The following WDPCP variants were observed in gnomAD, a reference collection of about 807,000 sequenced individuals.
WDPCP encodes WD repeat containing planar cell polarity effector.
A neutral mutation model predicts 93.1 loss-of-function variants in WDPCP; 71 were observed. The ratio of observed to expected loss-of-function variants is 0.76; its 90% CI spans 0.63 to 0.93. The LOEUF (loss-of-function observed/expected upper bound fraction) is 0.93, where lower values mean the gene tolerates loss of function less well. Among genes scored for constraint, WDPCP ranks in the 40% least tolerant of loss-of-function variants. The probability of loss-of-function intolerance (pLI) is 0.00; values close to 1 mark genes in which losing one functional copy is unlikely to be tolerated. For missense variants in WDPCP, 844 were observed against 887.4 expected, an observed-to-expected ratio of 0.95 and a Z score of 0.62; for synonymous variants, 315 against 315.0, an observed-to-expected ratio of 1.00 and a Z score of 0.00.
chr2:63,707,034 AC>A (rs200823583), intron 2 of WDPCP, among the ~76,000 whole-genome samples: 1,870 of 152,204 alleles, frequency 0.012, 16 homozygotes, highest in Non-Finnish European at 0.015. Flanking sequence ...GGGTAACCCG[AC>A]CTTTCTTTCT....
chr2:63,511,547 G>A (rs1451623472), intron 1 of WDPCP, among the ~76,000 whole-genome samples: 1 of 152,174 alleles, frequency 6.6e-6, no homozygotes, highest in Non-Finnish European at 1.5e-5. Flanking sequence ...TACCAAAGCA[G>A]ATATATAGAC....
chr2:63,257,343 G>GA (rs1681235352), intron 14 of WDPCP, among the ~76,000 whole-genome samples: 1 of 152,096 alleles, frequency 6.6e-6, no homozygotes, highest in African/African-American at 2.4e-5. Context: ...GAATTTGAAA[G>GA]AAAATTAGCT....
intron 11 of WDPCP, among the ~76,000 whole-genome samples, chr2:63,379,237 C>T (rs1692105240): frequency 6.6e-6 from 1 of 152,024 alleles, no homozygotes; most frequent in African/African-American, 2.4e-5. Flanking sequence ...TAAGTAATTA[C>T]CATAATGGTG....
intron 3 of WDPCP, among the ~76,000 whole-genome samples, chr2:63,647,066 C>T (rs2106634593): frequency 6.6e-6 from 1 of 152,250 alleles, no homozygotes; most frequent in Non-Finnish European, 1.5e-5. Flanking sequence ...AGACTATTTT[C>T]TATATCCTGT....
intron 14 of WDPCP, among the ~76,000 whole-genome samples, chr2:63,250,499 A>G (rs1380468058): frequency 1.3e-5 from 2 of 152,184 alleles, no homozygotes; most frequent in Admixed American, 6.5e-5. Context: ...CTTTACCTCA[A>G]TTGAATGATT....
At chr2:63,367,740 TTCCAAAGAAC>T (rs1691029050) in intron 12 of WDPCP, among the ~76,000 whole-genome samples, 1 of 152,200 alleles carries the variant, frequency 6.6e-6, no homozygotes, top group Admixed American at 6.5e-5. Flanking sequence ...AACATAAGTG[TTCCAAAGAAC>T]TATAGTGGCT....
chr2:63,394,376 T>TA (rs145280348), intron 10 of WDPCP, among the ~76,000 whole-genome samples: 66 of 148,614 alleles, frequency 4.4e-4, no homozygotes, highest in South Asian at 8.6e-4. Context: ...ATTAATAAGC[T>TA]AAAAAAAAAA....
intron 9 of WDPCP, among the ~76,000 whole-genome samples, chr2:63,412,819 G>C (rs930983910): frequency 5.3e-5 from 8 of 151,530 alleles, no homozygotes; most frequent in African/African-American, 1.9e-4. Context: ...TAACCAAGGA[G>C]TCGAAAGATC....
intron 1 of WDPCP, among the ~76,000 whole-genome samples, chr2:63,505,919 T>C (rs1274077117): frequency 6.6e-6 from 1 of 151,898 alleles, no homozygotes; most frequent in Non-Finnish European, 1.5e-5. Flanking sequence ...AGGAGAAAAA[T>C]AATGAATACA....
intron 1 of WDPCP, among the ~76,000 whole-genome samples, chr2:63,816,306 T>C (rs943486036): frequency 1.3e-5 from 2 of 152,118 alleles, no homozygotes; most frequent in Non-Finnish European, 2.9e-5. Context: ...TATTATTAGG[T>C]GACTTGACAA....
intron 9 of WDPCP, among the ~76,000 whole-genome samples, chr2:63,414,911 G>T (rs1289088457): frequency 6.6e-6 from 1 of 152,012 alleles, no homozygotes; most frequent in Admixed American, 6.5e-5. Context: ...ATGGACTTAT[G>T]TACCCCCTTT....
chr2:63,787,786 T>A (rs180804040), intron 2 of WDPCP, among the ~76,000 whole-genome samples: 12 of 152,156 alleles, frequency 7.9e-5, no homozygotes, highest in African/African-American at 2.7e-4. Flanking sequence ...ATGTCTCTAA[T>A]CCCAGCACTT....
chr2:63,321,438 G>C (rs1033412815), intron 12 of WDPCP, among the ~76,000 whole-genome samples: 1 of 150,308 alleles, frequency 6.7e-6, no homozygotes, highest in Non-Finnish European at 1.5e-5. Flanking sequence ...CCACCCACAT[G>C]AGAGCTCCTT....
At chr2:63,450,760 TAG>T (rs1237506190) in intron 6 of WDPCP, among the ~76,000 whole-genome samples, 1 of 152,106 alleles carries the variant, frequency 6.6e-6, no homozygotes, top group Non-Finnish European at 1.5e-5. Flanking sequence ...GAAGAAATCA[TAG>T]AGAGACTATA....
intron 3 of WDPCP, among the ~76,000 whole-genome samples, chr2:63,642,105 G>C (rs1433994328): frequency 6.6e-6 from 1 of 151,936 alleles, no homozygotes; most frequent in Non-Finnish European, 1.5e-5. Context: ...ATGGGGATTT[G>C]TTTCTGGACT....
chr2:63,403,869 T>C (rs1226447720), intron 10 of WDPCP, 179 bp downstream of exon 10: 10 of 767,534 alleles, frequency 1.3e-5, no homozygotes. Context: ...CAATATCTAG[T>C]GTTCCTTTGG....
At chr2:63,318,912 C>A (rs1470404190) in intron 12 of WDPCP, among the ~76,000 whole-genome samples, 1 of 152,006 alleles carries the variant, frequency 6.6e-6, no homozygotes, top group Non-Finnish European at 1.5e-5. Context: ...GGCTGATGTA[C>A]CCTTGACCCT....
chr2:63,508,046 C>G (rs1343767090), intron 1 of WDPCP, among the ~76,000 whole-genome samples: 1 of 152,108 alleles, frequency 6.6e-6, no homozygotes, highest in Non-Finnish European at 1.5e-5. Context: ...CCTAACCTAT[C>G]AAGACAGGCC....
At chr2:63,395,191 C>A (rs888721870) in intron 10 of WDPCP, among the ~76,000 whole-genome samples, 1 of 152,138 alleles carries the variant, frequency 6.6e-6, no homozygotes, top group Non-Finnish European at 1.5e-5. Context: ...GATCCCATTT[C>A]TATGAAATTC....
Sources: gnomAD v4.1 joint callset for allele counts (sites outside exome capture counted in the v4.1 genomes callset) on GRCh38, gnomAD v4.1.1 for gene constraint, MANE v1.5 for transcripts, NCBI Gene and HGNC (gene_info 2026-07-23, HGNC 2026-07-21) for gene names.